HPCAL1: variants seen among roughly 807,000 people sequenced by gnomAD.
The protein encoded by HPCAL1 is hippocalcin like 1, also known as hippocalcin-like protein 1.
A neutral mutation model predicts 17.1 loss-of-function variants in HPCAL1; 8 were observed. The observed-to-expected ratio is 0.47, with a 90% CI of 0.27 to 0.84. The LOEUF (loss-of-function observed/expected upper bound fraction) is 0.84, where lower values mean the gene tolerates loss of function less well. Among genes scored for constraint, HPCAL1 ranks in the 40% least tolerant of loss-of-function variants. HPCAL1 has a pLI of 0.13. For synonymous variants in HPCAL1, 112 were observed against 111.4 expected, an observed-to-expected ratio of 1.01 and a Z score of -0.03; for missense variants, 165 against 271.1, an observed-to-expected ratio of 0.61 and a Z score of 2.75.
At position 10,419,755 on chromosome 2, in the gene HPCAL1, G is replaced by T; in HGVS notation, c.-3G>T. On this transcript the variant is annotated 5_prime_UTR_variant, in exon 3 of 5. Transcript: ENST00000307845. This position sits in a 1 kb window ranked among gnomAD's most constrained non-coding sequence, Gnocchi z 5.0. ...GCAGGTGTAGTCGCCGCCGCCAGCC[G>T]CCATGGGCAAACAGAACAGCAAGCT... is the stretch of plus-strand genomic sequence containing the variant. The T allele has an allele frequency of 6.2e-7, 1 of 1,606,878 alleles. No homozygotes were observed.
intron 1 of HPCAL1, among the ~76,000 whole-genome samples, chr2:10,350,548 G>A (rs747624932): frequency 6.6e-6 from 1 of 152,078 alleles, no homozygotes; most frequent in Non-Finnish European, 1.5e-5. Context: ...CTGGGCTCAA[G>A]CGATCCATCT....
In HPCAL1 at chr2:10,365,426, G is replaced by A. The variant is rs1303667833; in HGVS notation, c.-110-31409G>A. On this transcript the variant is annotated intron_variant, in intron 1 of 4. Transcript: ENST00000307845. The surrounding 1 kb of genome is among the most constrained non-coding windows in gnomAD (Gnocchi z 4.8). ...CAGACGAGGTGCCAGCTATTTGAAC[G>A]GACAGCCCGGAGTCTGTGCAGGAGT... is the stretch of plus-strand genomic sequence containing the variant. Among the ~76,000 whole-genome samples, 7 of 152,158 alleles carry A rather than the reference G, an allele frequency of 4.6e-5. No homozygotes were observed. The highest frequency in any genetic ancestry group is 1.3e-4 in the Admixed American group (2 of 15,282).
intron 2 of HPCAL1, among the ~76,000 whole-genome samples, chr2:10,405,938 G>A (rs1246957158): frequency 6.6e-6 from 1 of 152,178 alleles, no homozygotes. Flanking sequence ...TGATTCACAT[G>A]GTTGTTTCAG....
intron 2 of HPCAL1, among the ~76,000 whole-genome samples, chr2:10,411,259 A>G (rs914796382): frequency 6.6e-6 from 1 of 152,200 alleles, no homozygotes; most frequent in Non-Finnish European, 1.5e-5. Flanking sequence ...GAAAGGGCCC[A>G]GAGGAGGTTA....
In HPCAL1 at chr2:10,354,985, G is replaced by T. The variant is rs545864987; in HGVS notation, c.-110-41850G>T. Among the ~76,000 whole-genome samples the T allele has an allele frequency of 4.3e-4, 65 of 152,356 alleles. 2 individuals are homozygous for T. The South Asian group carries it at 8.3e-3, about 19-fold the overall frequency. On this transcript the variant is annotated intron_variant, in intron 1 of 4. Transcript: ENST00000307845. The surrounding 1 kb of genome is among the most constrained non-coding windows in gnomAD (Gnocchi z 5.1). ...GTGCTGCAGAGATGAAGATGAGGAGGATGATGGCCTGTGCCCAGGCAGGTA... is the reference window on the plus strand; with the variant it reads ...GTGCTGCAGAGATGAAGATGAGGAGTATGATGGCCTGTGCCCAGGCAGGTA...
At chr2:10,415,523 C>T (rs1670603395) in intron 2 of HPCAL1, among the ~76,000 whole-genome samples, 1 of 152,226 alleles carries the variant, frequency 6.6e-6, no homozygotes, top group Non-Finnish European at 1.5e-5. Flanking sequence ...CTCCTTCTCA[C>T]CCCCGTGCTC....
intron 2 of HPCAL1, among the ~76,000 whole-genome samples, chr2:10,400,122 G>A (rs747606479): frequency 9.9e-5 from 15 of 152,204 alleles, no homozygotes; most frequent in Non-Finnish European, 2.1e-4. Flanking sequence ...GTCAGGGACG[G>A]GCGTGCTTCT....
chr2:10,344,659 A>G lies in HPCAL1; in HGVS notation c.-111+41482A>G, dbSNP rs1373585017. Among the ~76,000 whole-genome samples the G allele has an allele frequency of 6.6e-6, 1 of 151,980 alleles. No individual in the cohort carries two copies. The highest frequency in any genetic ancestry group is 1.5e-5 in the Non-Finnish European group (1 of 67,978). ...AGACGGGCGTCCCACACTCCACAGT[A>G]CTCTGCTCCCCCTTCCCTTCCTCCC... On this transcript the variant is annotated intron_variant, in intron 1 of 4. Coordinates refer to ENST00000307845, the MANE Select transcript of HPCAL1 (RefSeq NM_002149.4). This position sits in a 1 kb window ranked among gnomAD's most constrained non-coding sequence, Gnocchi z 4.9.
intron 1 of HPCAL1, among the ~76,000 whole-genome samples, chr2:10,340,271 A>G (rs1281801415): frequency 6.6e-6 from 1 of 152,188 alleles, no homozygotes; most frequent in African/African-American, 2.4e-5. Flanking sequence ...AACGGGAAAG[A>G]TATCAATGCT....
At chr2:10,366,998 T>A (rs1358720747) in intron 1 of HPCAL1, among the ~76,000 whole-genome samples, 2 of 152,090 alleles carry the variant, frequency 1.3e-5, no homozygotes, top group Non-Finnish European at 2.9e-5. Flanking sequence ...AGACGTTGGC[T>A]GGGCGAGGAG....
chr2:10,391,995 A>C (rs917246286), intron 1 of HPCAL1, among the ~76,000 whole-genome samples: 26 of 151,870 alleles, frequency 1.7e-4, no homozygotes, highest in Non-Finnish European at 1.5e-5. Flanking sequence ...TGATCCACCC[A>C]CCTTGGCCTC....
intron 1 of HPCAL1, among the ~76,000 whole-genome samples, chr2:10,321,774 G>A (rs1489121151): frequency 2.0e-5 from 3 of 152,172 alleles, no homozygotes; most frequent in South Asian, 2.1e-4. Flanking sequence ...TTCATGCACC[G>A]CCAATGCTGC....
intron 1 of HPCAL1, among the ~76,000 whole-genome samples, chr2:10,326,110 A>T (rs1005568208): frequency 6.6e-6 from 1 of 152,210 alleles, no homozygotes; most frequent in Non-Finnish European, 1.5e-5. Context: ...GTTCGACACC[A>T]TCTCAGGGTA....
rs1344127744 is a variant in HPCAL1 at position 10,395,011 on chromosome 2, G to A, written c.-110-1824G>A. Reference sequence around the variant, plus strand: ...GGCATTTCATCATGTTGCCCAGGGTGGTCTCGAACTCCTGGAGTCAAGCAA... The same window carrying A: ...GGCATTTCATCATGTTGCCCAGGGTAGTCTCGAACTCCTGGAGTCAAGCAA... On this transcript the variant is annotated intron_variant, in intron 1 of 4. Transcript: ENST00000307845. This position sits in a 1 kb window ranked among gnomAD's most constrained non-coding sequence, Gnocchi z 4.4. Among the ~76,000 whole-genome samples, 4 of 151,814 alleles carry A rather than the reference G, an allele frequency of 2.6e-5. No homozygotes were observed. The highest frequency in any genetic ancestry group is 2.1e-4 in the South Asian group (1 of 4,802).
intron 1 of HPCAL1, among the ~76,000 whole-genome samples, chr2:10,370,392 A>G (rs953189250): frequency 1.3e-5 from 2 of 152,320 alleles, no homozygotes; most frequent in East Asian, 3.9e-4. Flanking sequence ...CTGGCTTGAC[A>G]CTGACCTGTT....
chr2:10,383,050 C>G (rs1668067717), intron 1 of HPCAL1, among the ~76,000 whole-genome samples: 3 of 152,306 alleles, frequency 2.0e-5, no homozygotes, highest in African/African-American at 7.2e-5. Flanking sequence ...AATCTGCAAC[C>G]CCTTACCATT....
chr2:10,365,554 T>C lies in HPCAL1; in HGVS notation c.-110-31281T>C, dbSNP rs1666795037. ...AGGAGCCATTGTTTCTCTTCCCACC[T>C]GACCTTGGGTGGTTCCCCTTCAGCC... On this transcript the variant is annotated intron_variant, in intron 1 of 4. Coordinates refer to ENST00000307845, the MANE Select transcript of HPCAL1 (RefSeq NM_002149.4). The surrounding 1 kb of genome is among the most constrained non-coding windows in gnomAD (Gnocchi z 4.8). Among the ~76,000 whole-genome samples, 1 of 152,134 alleles carries C rather than the reference T, an allele frequency of 6.6e-6. No individual in the cohort carries two copies. The highest frequency in any genetic ancestry group is 2.4e-5 in the African/African-American group (1 of 41,428).
intron 1 of HPCAL1, among the ~76,000 whole-genome samples, chr2:10,334,365 G>C (rs1405628730): frequency 6.6e-6 from 1 of 151,828 alleles, no homozygotes; most frequent in African/African-American, 2.4e-5. Flanking sequence ...ACAGTTAGGT[G>C]GGTGCAGCAT....
At chr2:10,360,332 C>T (rs1666442789) in intron 1 of HPCAL1, among the ~76,000 whole-genome samples, 1 of 152,126 alleles carries the variant, frequency 6.6e-6, no homozygotes, top group Admixed American at 6.5e-5. Flanking sequence ...TCTCACAAAG[C>T]GAATGAGCTC....
Sources: gnomAD v4.1 joint callset for allele counts (sites outside exome capture counted in the v4.1 genomes callset) on GRCh38, gnomAD v4.1.1 for gene constraint, Gnocchi (gnomAD v3.1) non-coding constraint, MANE v1.5 for transcripts, NCBI Gene and HGNC (gene_info 2026-07-23, HGNC 2026-07-21) for gene names.